UNC79: variants seen among roughly 807,000 people sequenced by gnomAD.
UNC79 encodes unc-79 subunit of NALCN channel complex.
Under a neutral mutation model 283.1 loss-of-function variants are expected in UNC79, and 37 were observed. The ratio of observed to expected loss-of-function variants is 0.13; its 90% CI spans 0.10 to 0.17. The LOEUF (loss-of-function observed/expected upper bound fraction) is 0.17, where lower values mean the gene tolerates loss of function less well. Ranked by LOEUF, UNC79 falls within the 10% of genes least tolerant of loss-of-function variation. UNC79 has a pLI of 1.00. For missense variants in UNC79, 2,272 were observed against 3,211.1 expected (o/e 0.71, Z 7.07); for synonymous variants, 1,107 against 1,200.2 (o/e 0.92, Z 1.61).
At chr14:93,427,594 ATATAT>A (rs1055165968), upstream of UNC79, among the ~76,000 whole-genome samples, 13 of 152,050 alleles carry the variant, frequency 8.5e-5, no homozygotes, top group African/African-American at 2.9e-4. Flanking sequence ...TCAGCACTGA[ATATAT>A]TATGTTTTAC....
At chr14:93,568,206 G>A (rs2063009162) in intron 14 of UNC79, among the ~76,000 whole-genome samples, 1 of 152,106 alleles carries the variant, frequency 6.6e-6, no homozygotes, top group South Asian at 2.1e-4. Context: ...CTATTAATGG[G>A]TATGGTGTCA....
chr14:93,512,995 A>G (rs2059897557), intron 7 of UNC79, among the ~76,000 whole-genome samples: 1 of 152,054 alleles, frequency 6.6e-6, no homozygotes, highest in Non-Finnish European at 1.5e-5. Flanking sequence ...ATTTATTCTA[A>G]AAAGCATTGT....
intron 1 of UNC79, among the ~76,000 whole-genome samples, chr14:93,458,558 C>T (rs1957667): frequency 0.7 from 106,000 of 151,868 alleles, 37,395 homozygotes; most frequent in Middle Eastern, 0.77. Context: ...TTTTGGGGGG[C>T]TCCATAGGAA....
intron 1 of UNC79, among the ~76,000 whole-genome samples, chr14:93,434,240 A>G (rs1157206254): frequency 6.6e-6 from 1 of 152,114 alleles, no homozygotes; most frequent in African/African-American, 2.4e-5. Flanking sequence ...AGAAAAGAAA[A>G]AAAAGAAGCA....
intron 30 of UNC79, among the ~76,000 whole-genome samples, chr14:93,623,184 CTT>C (rs919922945): frequency 1.3e-5 from 2 of 152,208 alleles, no homozygotes; most frequent in Non-Finnish European, 2.9e-5. Context: ...AACTTGAACT[CTT>C]TGCTTTCTTT....
intron 20 of UNC79, among the ~76,000 whole-genome samples, chr14:93,584,620 C>T (rs71431603): frequency 0.04 from 6,070 of 152,310 alleles, 190 homozygotes; most frequent in Non-Finnish European, 0.057. Context: ...CCTAAGCTAG[C>T]ACACAGATCA....
intron 29 of UNC79, 68 bp from the exon 31 acceptor site, chr14:93,620,824 C>T (rs777466187): frequency 4.9e-6 from 2 of 411,956 alleles, no homozygotes; most frequent in Non-Finnish European, 9.7e-6. Flanking sequence ...CATTGAAATG[C>T]TTGTGTAGAC....
chr14:93,566,639 A>ATTT lies in UNC79; in HGVS notation c.1756-5240_1756-5238dup, dbSNP rs33917214. Among the ~76,000 whole-genome samples the ATTT allele has an allele frequency of 4.3e-4, 59 of 136,276 alleles. 1 individual carries two copies. Among genetic ancestry groups the ATTT allele is most frequent in the Non-Finnish European group, 4.9e-4 (32 of 64,834 alleles). 89.4% of individuals were successfully genotyped at this position (136,276 alleles called of 152,430 possible). A position where few individuals can be genotyped will look rare whatever the true frequency, so the allele number is the denominator to read the frequency against. On this transcript the variant is annotated intron_variant, in intron 14 of 48. Coordinates refer to ENST00000555664, the Ensembl canonical transcript of UNC79. The stretch of plus-strand genomic sequence containing the variant: ...GGATACCCTTAGGCCAGTTTCTGGA[A>ATTT]TTTTTTTTTTTTTTTTTGAGACGGA...
chr14:93,396,767 A>ATGTGTGTGTGTG (rs1413500764), intron 1 of UNC79, among the ~76,000 whole-genome samples: 185 of 76,496 alleles, frequency 2.4e-3, no homozygotes, highest in African/African-American at 5.2e-3. Flanking sequence ...TGCAAAGGGC[A>ATGTGTGTGTGTG]TGTGTGTGTA....
intron 1 of UNC79, among the ~76,000 whole-genome samples, chr14:93,406,867 G>C (rs967319607): frequency 6.6e-6 from 1 of 152,098 alleles, no homozygotes; most frequent in Non-Finnish European, 1.5e-5. Context: ...CTATAAACTA[G>C]GTGGCTTAAA....
upstream of UNC79, among the ~76,000 whole-genome samples, chr14:93,428,638 C>T (rs1194148545): frequency 6.6e-6 from 1 of 152,156 alleles, no homozygotes; most frequent in Non-Finnish European, 1.5e-5. Flanking sequence ...GCTTTGGAGG[C>T]TCCGAAGCAT....
intron 1 of UNC79, among the ~76,000 whole-genome samples, chr14:93,361,898 A>G (rs548493881): frequency 6.6e-6 from 1 of 152,360 alleles, no homozygotes; most frequent in East Asian, 1.9e-4. Flanking sequence ...GATATTTAAC[A>G]TGAAGGGGTG....
chr14:93,642,020 C>T (rs1379061128), intron 33 of UNC79, among the ~76,000 whole-genome samples: 1 of 148,118 alleles, frequency 6.8e-6, no homozygotes, highest in South Asian at 2.2e-4. Flanking sequence ...GCCACTCCAG[C>T]CATGTGGAAC....
intron 30 of UNC79, among the ~76,000 whole-genome samples, chr14:93,623,472 T>C (rs1242150929): frequency 6.6e-6 from 1 of 152,234 alleles, no homozygotes; most frequent in African/African-American, 2.4e-5. Flanking sequence ...TTGGAGGCAT[T>C]GTTTCTAAGA....
At chr14:93,386,624 A>G (rs7142496) in intron 1 of UNC79, among the ~76,000 whole-genome samples, 1,938 of 152,262 alleles carry the variant, frequency 0.013, 44 homozygotes, top group African/African-American at 0.044. Flanking sequence ...GGAGACTATT[A>G]TGGCTTCATT....
At chr14:93,362,358 T>G (rs771537732) in intron 1 of UNC79, among the ~76,000 whole-genome samples, 4 of 151,282 alleles carry the variant, frequency 2.6e-5, no homozygotes, top group Non-Finnish European at 5.9e-5. Context: ...CTGATTAAGG[T>G]TTTTTTTTGA....
intron 40 of UNC79, among the ~76,000 whole-genome samples, chr14:93,666,474 G>A (rs1228749940): frequency 6.6e-6 from 1 of 152,052 alleles, no homozygotes; most frequent in African/African-American, 2.4e-5. Flanking sequence ...GAAAGCTGAA[G>A]TTAGTCAACT....
intron 1 of UNC79, among the ~76,000 whole-genome samples, chr14:93,373,887 G>A (rs1457154597): frequency 6.6e-6 from 1 of 152,190 alleles, no homozygotes; most frequent in Non-Finnish European, 1.5e-5. Context: ...CCAGTGATGT[G>A]TATTTAAAAA....
intron 1 of UNC79, among the ~76,000 whole-genome samples, chr14:93,346,684 A>G (rs1222863717): frequency 6.6e-6 from 1 of 152,226 alleles, no homozygotes; most frequent in African/African-American, 2.4e-5. Context: ...AGTGTGCTAT[A>G]AACTCTGCCA....
Sources: gnomAD v4.1 joint callset for allele counts (sites outside exome capture counted in the v4.1 genomes callset) on GRCh38, gnomAD v4.1.1 for gene constraint, MANE v1.5 for transcripts, NCBI Gene and HGNC (gene_info 2026-07-23, HGNC 2026-07-21) for gene names.